Variants in DENND1A observed in about 807,000 individuals in gnomAD.
DENND1A encodes DENN domain containing 1A.
DENND1A carries 51 observed loss-of-function variants against 113.7 expected under a neutral mutation model. That is an observed-to-expected ratio of 0.45 (90% confidence interval 0.36 to 0.57). DENND1A has a LOEUF of 0.57. Ranked by LOEUF, DENND1A falls within the 20% of genes least tolerant of loss-of-function variation. DENND1A has a pLI of 0.00. For missense variants in DENND1A, 1,258 were observed against 1,395.9 expected (o/e 0.90, Z 1.57); for synonymous variants, 565 against 570.8 (o/e 0.99, Z 0.14).
At chr9:123,796,657 G>T (rs570905101) in intron 2 of DENND1A, among the ~76,000 whole-genome samples, 2 of 151,912 alleles carry the variant, frequency 1.3e-5, no homozygotes, top group East Asian at 3.9e-4. Context: ...AGAAAACGTG[G>T]TAGACAGATC....
intron 1 of DENND1A, among the ~76,000 whole-genome samples, chr9:123,883,564 C>T (rs577048273): frequency 1.4e-3 from 217 of 152,246 alleles, no homozygotes; most frequent in Non-Finnish European, 2.7e-3. Flanking sequence ...CTGCTGGACC[C>T]GTGACCATAC....
intron 13 of DENND1A, among the ~76,000 whole-genome samples, chr9:123,510,960 G>T (rs769295635): frequency 9.9e-5 from 15 of 152,170 alleles, no homozygotes; most frequent in African/African-American, 2.4e-4. Flanking sequence ...AGGCAATAAG[G>T]CCACACAATC....
chr9:123,498,558 GAA>G (rs2052154881), intron 13 of DENND1A, among the ~76,000 whole-genome samples: 1 of 152,082 alleles, frequency 6.6e-6, no homozygotes, highest in Admixed American at 6.5e-5. Context: ...TTTTTCTTAT[GAA>G]AAGAGTTTCA....
chr9:123,536,831 G>A (rs1303338878), intron 13 of DENND1A, among the ~76,000 whole-genome samples: 3 of 152,148 alleles, frequency 2.0e-5, no homozygotes, highest in East Asian at 3.9e-4. Context: ...CCAGAAAGCA[G>A]CTGTCACATT....
At chr9:123,739,723 T>G (rs570312719) in intron 5 of DENND1A, among the ~76,000 whole-genome samples, 2 of 152,240 alleles carry the variant, frequency 1.3e-5, no homozygotes, top group South Asian at 4.1e-4. Flanking sequence ...TGCAAAGAAC[T>G]ATTAATGAAA....
At chr9:123,452,427 G>T (rs991333446) in intron 16 of DENND1A, 80 bp from the exon 17 acceptor site, 34 of 1,136,638 alleles carry the variant, frequency 3.0e-5, no homozygotes, top group Non-Finnish European at 3.5e-5. Flanking sequence ...CTCTTCAATC[G>T]AGTTAAGCAA....
intron 19 of DENND1A, among the ~76,000 whole-genome samples, chr9:123,417,362 G>A (rs1312245491): frequency 2.6e-5 from 4 of 152,208 alleles, no homozygotes; most frequent in African/African-American, 9.7e-5. Context: ...TTTATATGAT[G>A]TGTTTTCCTT....
At chr9:123,800,261 T>C (rs1834420525) in intron 2 of DENND1A, among the ~76,000 whole-genome samples, 1 of 152,230 alleles carries the variant, frequency 6.6e-6, no homozygotes. Flanking sequence ...GCTAATTCCT[T>C]TGCTTTCTAA....
intron 22 of DENND1A, among the ~76,000 whole-genome samples, chr9:123,386,961 C>T (rs999308862): frequency 4.6e-5 from 7 of 152,224 alleles, no homozygotes; most frequent in South Asian, 2.1e-4. Context: ...AAACGATTAA[C>T]GTGCCCCCTG....
At chr9:123,610,909 C>T (rs937616857) in intron 10 of DENND1A, among the ~76,000 whole-genome samples, 10 of 152,142 alleles carry the variant, frequency 6.6e-5, no homozygotes, top group African/African-American at 2.2e-4. Context: ...TTAAATTGCT[C>T]AAACATTTAA....
At chr9:123,824,652 C>T (rs1312664462) in intron 2 of DENND1A, among the ~76,000 whole-genome samples, 3 of 151,978 alleles carry the variant, frequency 2.0e-5, no homozygotes, top group Non-Finnish European at 4.4e-5. Flanking sequence ...TTATAGAGTT[C>T]ATCTGATTTT....
intron 13 of DENND1A, among the ~76,000 whole-genome samples, chr9:123,519,138 C>T (rs2054179328): frequency 1.3e-5 from 2 of 152,222 alleles, no homozygotes; most frequent in South Asian, 2.1e-4. Context: ...AGAGGACTTC[C>T]CTGATGCACC....
At chr9:123,452,212 A>C in intron 17 of DENND1A, 64 bp downstream of exon 17, 1 of 1,440,642 alleles carries the variant, frequency 6.9e-7, no homozygotes. Flanking sequence ...GTAAATAAAT[A>C]AAGAGTCTCA....
intron 9 of DENND1A, among the ~76,000 whole-genome samples, chr9:123,631,147 T>C (rs1392690329): frequency 6.6e-6 from 1 of 152,200 alleles, no homozygotes; most frequent in Non-Finnish European, 1.5e-5. Context: ...TATGTTAGTA[T>C]AATGAATAGA....
chr9:123,421,393 C>A (rs1345858450), intron 19 of DENND1A, among the ~76,000 whole-genome samples: 1 of 152,050 alleles, frequency 6.6e-6, no homozygotes, highest in African/African-American at 2.4e-5. Context: ...AAGAAGCCCA[C>A]GCTGCTCCCA....
intron 11 of DENND1A, among the ~76,000 whole-genome samples, chr9:123,588,375 T>C (rs979200800): frequency 6.6e-6 from 1 of 151,158 alleles, no homozygotes; most frequent in African/African-American, 2.4e-5. Flanking sequence ...TCTCAGCACT[T>C]TGGGAGGCTG....
intron 3 of DENND1A, 56 bp downstream of exon 3, chr9:123,792,531 T>A: frequency 6.4e-7 from 1 of 1,569,716 alleles, no homozygotes; most frequent in South Asian, 1.1e-5. Context: ...TAATAATATG[T>A]TGAACAACTC....
At chr9:123,693,723 C>T (rs1200104519) in intron 5 of DENND1A, among the ~76,000 whole-genome samples, 2 of 151,874 alleles carry the variant, frequency 1.3e-5, no homozygotes, top group Non-Finnish European at 2.9e-5. Context: ...GCCACTCCAC[C>T]TCAAGTGAAG....
intron 5 of DENND1A, among the ~76,000 whole-genome samples, chr9:123,748,225 T>G (rs2069689556): frequency 6.6e-6 from 1 of 152,174 alleles, no homozygotes; most frequent in South Asian, 2.1e-4. Flanking sequence ...AGATACAAAG[T>G]TATACCTACA....
Sources: allele counts gnomAD v4.1 joint callset (sites outside exome capture counted in the v4.1 genomes callset), GRCh38; gene constraint gnomAD v4.1.1; transcripts MANE v1.5; gene names NCBI Gene and HGNC (gene_info 2026-07-23, HGNC 2026-07-21).